Variants in GALNT17 observed in about 807,000 individuals in gnomAD.
GALNT17 encodes polypeptide N-acetylgalactosaminyltransferase 17, also known as UDP-GalNAc:polypeptide N-acetylgalactosaminyltransferase-like 3.
GALNT17 carries 29 observed loss-of-function variants against 63.7 expected under a neutral mutation model. The observed-to-expected ratio is 0.46, with a 90% CI of 0.34 to 0.62. GALNT17 has a LOEUF of 0.62. Ranked by LOEUF, GALNT17 falls within the 20% of genes least tolerant of loss-of-function variation. GALNT17 has a pLI of 0.01. For missense variants in GALNT17, 603 were observed against 799.6 expected, an observed-to-expected ratio of 0.75 and a Z score of 2.97; for synonymous variants, 305 against 318.3, an observed-to-expected ratio of 0.96 and a Z score of 0.45.
At chr7:71,310,911 C>T (rs955204484) in intron 1 of GALNT17, among the ~76,000 whole-genome samples, 4 of 152,218 alleles carry the variant, frequency 2.6e-5, no homozygotes, top group Admixed American at 6.5e-5. Context: ...CTGGGAGTGA[C>T]TACCACGGTA....
At chr7:71,342,087 G>C (rs1308281701) in intron 2 of GALNT17, among the ~76,000 whole-genome samples, 1 of 152,104 alleles carries the variant, frequency 6.6e-6, no homozygotes, top group Non-Finnish European at 1.5e-5. Context: ...ATTGTGTTAG[G>C]CCATTGTGTT....
At chr7:71,438,136 A>T (rs190549892) in intron 5 of GALNT17, among the ~76,000 whole-genome samples, 1 of 152,322 alleles carries the variant, frequency 6.6e-6, no homozygotes, top group African/African-American at 2.4e-5. Flanking sequence ...CAGAACTAAT[A>T]ATATATGTAT....
At chr7:71,346,435 T>A (rs1054467051) in intron 2 of GALNT17, among the ~76,000 whole-genome samples, 4 of 152,084 alleles carry the variant, frequency 2.6e-5, no homozygotes, top group Non-Finnish European at 5.9e-5. Context: ...GTATGGCATG[T>A]TTTATTGATC....
At chr7:71,476,362 G>A (rs1787722571) in intron 5 of GALNT17, among the ~76,000 whole-genome samples, 1 of 152,200 alleles carries the variant, frequency 6.6e-6, no homozygotes, top group Non-Finnish European at 1.5e-5. Context: ...CAGCATAAAG[G>A]ACAATTGAAT....
chr7:71,426,740 A>C (rs1786767359), intron 5 of GALNT17, among the ~76,000 whole-genome samples: 1 of 152,022 alleles, frequency 6.6e-6, no homozygotes, highest in African/African-American at 2.4e-5. Context: ...GCCAACATGG[A>C]TAAACCCTGT....
At chr7:71,259,777 G>A (rs1293698329) in intron 1 of GALNT17, among the ~76,000 whole-genome samples, 4 of 151,790 alleles carry the variant, frequency 2.6e-5, no homozygotes, top group Admixed American at 2.6e-4. Context: ...GGGTAGCTGG[G>A]ACTACAGGTG....
At chr7:71,197,963 C>T (rs559788447) in intron 1 of GALNT17, among the ~76,000 whole-genome samples, 16 of 151,780 alleles carry the variant, frequency 1.1e-4, no homozygotes, top group African/African-American at 3.6e-4. Context: ...TTTGGGAGGC[C>T]GAGGTGGGCG....
At position 71,684,499 on chromosome 7, in the gene GALNT17, C is replaced by G. The variant is rs1195861602; in HGVS notation, c.1500+7193C>G. ...ACAATGGACTCTGGCCCCATAGCCG[C>G]GTGTTCCAGCCCCTGCCTAGGGACA... On this transcript the variant is annotated intron_variant, in intron 9 of 10. Coordinates refer to ENST00000333538, the MANE Select transcript of GALNT17 (RefSeq NM_022479.3). Among the ~76,000 whole-genome samples, 8 of 152,118 alleles carry G rather than the reference C, an allele frequency of 5.3e-5. 1 individual carries two copies. The South Asian group carries it at 1.7e-3, about 32-fold the overall frequency.
intron 6 of GALNT17, among the ~76,000 whole-genome samples, chr7:71,642,968 C>T (rs1790624730): frequency 6.6e-6 from 1 of 152,124 alleles, no homozygotes; most frequent in Admixed American, 6.6e-5. Context: ...TTCTCTTAAC[C>T]CCCAGGTGTT....
intron 6 of GALNT17, among the ~76,000 whole-genome samples, chr7:71,573,603 G>A (rs756882360): frequency 9.9e-5 from 15 of 152,114 alleles, no homozygotes; most frequent in Non-Finnish European, 2.1e-4. Flanking sequence ...CAAAGTGCTG[G>A]GATTACAGGC....
chr7:71,300,161 A>C (rs553434963), intron 1 of GALNT17, among the ~76,000 whole-genome samples: 18 of 152,280 alleles, frequency 1.2e-4, no homozygotes, highest in African/African-American at 4.3e-4. Context: ...GGGAACAATG[A>C]CTGCCATGTT....
chr7:71,581,943 C>T (rs958484321), intron 6 of GALNT17, among the ~76,000 whole-genome samples: 1 of 152,092 alleles, frequency 6.6e-6, no homozygotes, highest in African/African-American at 2.4e-5. Context: ...GTCTGCAAGG[C>T]CACAGTGCTT....
At chr7:71,245,436 G>A (rs903417958) in intron 1 of GALNT17, among the ~76,000 whole-genome samples, 1 of 152,216 alleles carries the variant, frequency 6.6e-6, no homozygotes, top group African/African-American at 2.4e-5. Context: ...TGCTCATGGT[G>A]ACATTCCAGG....
intron 5 of GALNT17, among the ~76,000 whole-genome samples, chr7:71,442,558 T>C (rs1269541367): frequency 2.0e-5 from 3 of 152,186 alleles, no homozygotes; most frequent in Admixed American, 2.0e-4. Context: ...AATATCTTTT[T>C]GGAGTGTTGG....
intron 5 of GALNT17, among the ~76,000 whole-genome samples, chr7:71,553,115 A>G (rs1276543432): frequency 6.6e-6 from 1 of 152,116 alleles, no homozygotes; most frequent in Non-Finnish European, 1.5e-5. Context: ...GCCTGAGCTC[A>G]GAAGTCTGAG....
At chr7:71,429,446 C>A (rs1044771362) in intron 5 of GALNT17, among the ~76,000 whole-genome samples, 2 of 152,212 alleles carry the variant, frequency 1.3e-5, no homozygotes, top group Non-Finnish European at 2.9e-5. Context: ...AGTCTGGAAT[C>A]ATTGCTGAAA....
chr7:71,291,464 A>AACTG (rs199857940), intron 1 of GALNT17, among the ~76,000 whole-genome samples: 2,823 of 152,298 alleles, frequency 0.019, 29 homozygotes, highest in Middle Eastern at 0.034. Context: ...GGTCTGTGAA[A>AACTG]ACTGTCTAAC....
chr7:71,383,478 G>A (rs529445296), intron 2 of GALNT17, among the ~76,000 whole-genome samples: 4 of 151,790 alleles, frequency 2.6e-5, no homozygotes, highest in African/African-American at 9.7e-5. Context: ...TTGCTCTGTC[G>A]CCCAGACTAG....
intron 1 of GALNT17, among the ~76,000 whole-genome samples, chr7:71,183,471 G>A (rs1001713288): frequency 3.3e-5 from 5 of 152,056 alleles, no homozygotes; most frequent in African/African-American, 9.7e-5. Context: ...TTCCTCCCAC[G>A]TCAAAGAGTG....
Sources: gnomAD v4.1 joint callset for allele counts (sites outside exome capture counted in the v4.1 genomes callset) on GRCh38, gnomAD v4.1.1 for gene constraint, MANE v1.5 for transcripts, NCBI Gene and HGNC (gene_info 2026-07-23, HGNC 2026-07-21) for gene names.